Variants in WHR1 observed in about 807,000 individuals in gnomAD.
WHR1 encodes the protein MHC class III HLA-RP1.
At chr6:31,976,942 G>A in the WHR1 span, among the ~76,000 whole-genome samples, 1 of 152,230 alleles carries the variant, frequency 6.6e-6, no homozygotes, top group Non-Finnish European at 1.5e-5. Flanking sequence ...CACTCGGCAG[G>A]CTGAGGCAGG....
the WHR1 span, chr6:31,980,631 T>C: frequency 0.033 from 50,373 of 1,544,924 alleles, 2,357 homozygotes; most frequent in South Asian, 0.12. Flanking sequence ...CCTTTCCCCT[T>C]TCCTGTGCCA....
At chr6:31,972,434 T>A in the WHR1 span, 1 of 1,612,974 alleles carries the variant, frequency 6.2e-7, no homozygotes, top group East Asian at 2.2e-5. This position sits in a 1 kb window ranked among gnomAD's most constrained non-coding sequence, Gnocchi z 6.3. Flanking sequence ...AGGCATCACC[T>A]GATCCCGGAG....
chr6:31,971,594 A>G, the WHR1 span: 1 of 1,613,750 alleles, frequency 6.2e-7, no homozygotes, highest in Non-Finnish European at 8.5e-7. The surrounding 1 kb of genome is among the most constrained non-coding windows in gnomAD (Gnocchi z 4.5). Flanking sequence ...GTGGGCAGAG[A>G]AGGTGCTGGA....
the WHR1 span, chr6:31,980,439 C>T: frequency 6.2e-7 from 1 of 1,608,970 alleles, no homozygotes. Flanking sequence ...GCTGGCTTCC[C>T]ACTGCCCTCA....
the WHR1 span, chr6:31,971,284 G>A: frequency 1.3e-6 from 2 of 1,537,664 alleles, no homozygotes; most frequent in Non-Finnish European, 8.8e-7. This position sits in a 1 kb window ranked among gnomAD's most constrained non-coding sequence, Gnocchi z 4.5. Context: ...GGTAGGTACG[G>A]GTCTCCAGAT....
the WHR1 span, chr6:31,971,836 T>A: frequency 7.5e-7 from 1 of 1,341,004 alleles, no homozygotes; most frequent in Non-Finnish European, 9.9e-7. The surrounding 1 kb of genome is among the most constrained non-coding windows in gnomAD (Gnocchi z 4.5). Context: ...TCATCCTGCC[T>A]CTTTCCTTGC....
At chr6:31,979,608 C>G in the WHR1 span, 1 of 1,594,428 alleles carries the variant, frequency 6.3e-7, no homozygotes, top group Non-Finnish European at 8.6e-7. Flanking sequence ...CTGCCTCCCT[C>G]CAGTTCCATC....
At chr6:31,978,149 AT>A in the WHR1 span, among the ~76,000 whole-genome samples, 8 of 152,160 alleles carry the variant, frequency 5.3e-5, no homozygotes, top group East Asian at 1.9e-4. Flanking sequence ...TGTCTAAACA[AT>A]TTTTTTTAAG....
the WHR1 span, chr6:31,971,604 A>G: frequency 6.2e-7 from 1 of 1,613,380 alleles, no homozygotes; most frequent in Non-Finnish European, 8.5e-7. The surrounding 1 kb of genome is among the most constrained non-coding windows in gnomAD (Gnocchi z 4.5). Flanking sequence ...AAGGTGCTGG[A>G]CGAGGTAGTT....
chr6:31,980,650 C>T, the WHR1 span: 2 of 1,586,244 alleles, frequency 1.3e-6, no homozygotes, highest in Non-Finnish European at 1.7e-6. Context: ...CACTTCTCCT[C>T]TAGGGCGCCA....
the WHR1 span, chr6:31,978,824 C>G: frequency 7.4e-7 from 1 of 1,360,518 alleles, no homozygotes; most frequent in Non-Finnish European, 1.0e-6. Flanking sequence ...ACAAAATCTC[C>G]CTGCCTGAGA....
At chr6:31,980,195 A>C in the WHR1 span, 4 of 492,416 alleles carry the variant, frequency 8.1e-6, no homozygotes, top group Admixed American at 1.4e-4. Context: ...GAAGCTATTT[A>C]ACTGAACCAG....
At chr6:31,976,738 C>T in the WHR1 span, among the ~76,000 whole-genome samples, 4 of 152,380 alleles carry the variant, frequency 2.6e-5, no homozygotes, top group South Asian at 4.1e-4. Flanking sequence ...CGCCACTGCA[C>T]TCCAGCCTGG....
chr6:31,980,571 C>T, the WHR1 span: 45 of 1,607,598 alleles, frequency 2.8e-5, no homozygotes, highest in Non-Finnish European at 3.7e-5. Flanking sequence ...CAGCTCAAGC[C>T]TGCAGCCCCT....
chr6:31,975,188 G>T, the WHR1 span, among the ~76,000 whole-genome samples: 1 of 149,796 alleles, frequency 6.7e-6, no homozygotes, highest in Non-Finnish European at 1.5e-5. Context: ...GGTCATTGTT[G>T]CCTTAGTTTT....
At chr6:31,977,229 T>C in the WHR1 span, among the ~76,000 whole-genome samples, 1 of 151,970 alleles carries the variant, frequency 6.6e-6, no homozygotes, top group Non-Finnish European at 1.5e-5. Flanking sequence ...TGGAGTGCAG[T>C]GGTATGATCT....
chr6:31,971,282 C>T, the WHR1 span: 2 of 1,538,134 alleles, frequency 1.3e-6, no homozygotes, highest in East Asian at 2.3e-5. This position sits in a 1 kb window ranked among gnomAD's most constrained non-coding sequence, Gnocchi z 4.5. Context: ...AGGGTAGGTA[C>T]GGGTCTCCAG....
chr6:31,977,651 T>C, the WHR1 span, among the ~76,000 whole-genome samples: 1 of 150,248 alleles, frequency 6.7e-6, no homozygotes, highest in Non-Finnish European at 1.5e-5. Context: ...ATCTGGCCTA[T>C]TTTTGTATTT....
the WHR1 span, chr6:31,972,271 T>C: frequency 1.2e-6 from 2 of 1,613,114 alleles, no homozygotes; most frequent in East Asian, 2.2e-5. This position sits in a 1 kb window ranked among gnomAD's most constrained non-coding sequence, Gnocchi z 6.3. Context: ...GGACGACAAG[T>C]TGACGCTCCT....
Sources: gnomAD v4.1 joint callset for allele counts (sites outside exome capture counted in the v4.1 genomes callset) on GRCh38, gnomAD v4.1.1 for gene constraint, Gnocchi (gnomAD v3.1) non-coding constraint, MANE v1.5 for transcripts, NCBI Gene and HGNC (gene_info 2026-07-23, HGNC 2026-07-21) for gene names.